Variants in KLC1 observed in about 807,000 individuals in gnomAD.
The protein encoded by KLC1 is kinesin light chain 1.
A neutral mutation model predicts 84.2 loss-of-function variants in KLC1; 30 were observed. That is an observed-to-expected ratio of 0.36 (90% confidence interval 0.27 to 0.48). KLC1 has a LOEUF of 0.48. KLC1 is among the 20% of genes least tolerant of loss of function. The pLI, the probability that KLC1 is intolerant of heterozygous loss-of-function variation, is 0.99. For missense variants in KLC1, 499 were observed against 805.4 expected (o/e 0.62, Z 4.60); for synonymous variants, 289 against 293.3 (o/e 0.99, Z 0.15).
At chr14:103,674,445 G>A (rs564553192) in intron 9 of KLC1, among the ~76,000 whole-genome samples, 2 of 148,908 alleles carry the variant, frequency 1.3e-5, no homozygotes, top group East Asian at 3.9e-4. Flanking sequence ...GTGGAATTTC[G>A]TTCTTGTTGC....
chr14:103,668,540 C>T (rs956603971), intron 5 of KLC1, among the ~76,000 whole-genome samples: 4 of 151,978 alleles, frequency 2.6e-5, no homozygotes, highest in Non-Finnish European at 4.4e-5. Context: ...TGCAGTGGCG[C>T]GATCTATGCT....
At chr14:103,686,916 T>C in intron 13 of KLC1, 165 bp from the exon 14 acceptor site, 2 of 353,756 alleles carry the variant, frequency 5.7e-6, no homozygotes, top group Middle Eastern at 7.7e-4. Flanking sequence ...CTAGTTAAAG[T>C]ATATTCACGT....
intron 1 of KLC1, among the ~76,000 whole-genome samples, chr14:103,642,200 G>T (rs1217595959): frequency 6.6e-6 from 1 of 152,140 alleles, no homozygotes; most frequent in Non-Finnish European, 1.5e-5. Context: ...AGAGTGCTGG[G>T]ATTACAGGCA....
rs1209251099 is a variant in KLC1 at position 103,633,862 on chromosome 14, TA to T, written c.-2+4369del. Among the ~76,000 whole-genome samples the T allele has an allele frequency of 8.5e-5, 13 of 152,138 alleles. No homozygotes were observed. In the East Asian group the frequency reaches 1.6e-3, roughly 18 times the overall value. ...ACTATCTTAAATGCTGTATTATTAT[TA>T]TTTTTTTTTTATTATTACTTTTTGA... On this transcript the variant is annotated intron_variant, in intron 1 of 16. Transcript: ENST00000334553.
chr14:103,638,273 ATTT>A (rs1230499855), intron 1 of KLC1, among the ~76,000 whole-genome samples: 1 of 152,038 alleles, frequency 6.6e-6, no homozygotes, highest in Non-Finnish European at 1.5e-5. Context: ...TAGGAACTTT[ATTT>A]AACACTTGAG....
chr14:103,685,238 T>G, intron 13 of KLC1: 1 of 1,406,106 alleles, frequency 7.1e-7, no homozygotes, highest in Non-Finnish European at 9.2e-7. Flanking sequence ...TAAAATGTGT[T>G]TTTAAGAGAA....
chr14:103,634,769 G>A lies in KLC1; in HGVS notation c.-2+5275G>A, dbSNP rs150160131. Among the ~76,000 whole-genome samples the A allele has an allele frequency of 9.9e-3, 1,505 of 151,996 alleles. 24 individuals carry two copies. Among genetic ancestry groups the A allele is most frequent in the Non-Finnish European group, 0.014 (918 of 67,976 alleles). On this transcript the variant is annotated intron_variant, in intron 1 of 16. Coordinates refer to ENST00000334553, the MANE Select transcript of KLC1 (RefSeq NM_001394837.1). ...TTTTAAATATAGTTTATGTAGAGACGGGGGTCTCACTGTGTTTCCCAGGCT... is the reference window on the plus strand; with the variant it reads ...TTTTAAATATAGTTTATGTAGAGACAGGGGTCTCACTGTGTTTCCCAGGCT...
chr14:103,672,838 G>A (rs2080531273), intron 7 of KLC1, among the ~76,000 whole-genome samples, 176 bp from the exon 8 acceptor site: 1 of 152,156 alleles, frequency 6.6e-6, no homozygotes, highest in Non-Finnish European at 1.5e-5. Context: ...ATAAGAATTT[G>A]AGAAATTCTG....
At chr14:103,696,087 ACTGCGCCC>A (rs1373719547) in intron 15 of KLC1, 55 of 798,900 alleles carry the variant, frequency 6.9e-5, no homozygotes, top group Non-Finnish European at 7.3e-5. Flanking sequence ...CAAAATAATC[ACTGCGCCC>A]CCGCCCCCCG....
chr14:103,642,306 C>T (rs754615318), intron 1 of KLC1, among the ~76,000 whole-genome samples: 8 of 152,092 alleles, frequency 5.3e-5, no homozygotes, highest in Non-Finnish European at 1.0e-4. Flanking sequence ...AAAGGCCCCA[C>T]CTCCTAAAAG....
chr14:103,637,241 G>T (rs1294385037), intron 1 of KLC1, among the ~76,000 whole-genome samples: 1 of 151,896 alleles, frequency 6.6e-6, no homozygotes, highest in Non-Finnish European at 1.5e-5. Flanking sequence ...TTTTATTAAA[G>T]AAATTTTCGG....
At position 103,699,682 on chromosome 14, in the gene KLC1, C is replaced by T. The variant is rs954199215; in HGVS notation, c.1849-973C>T. On this transcript the variant is annotated intron_variant, in intron 15 of 16. Transcript: ENST00000334553. Reference sequence around the variant, plus strand: ...GACCGTCTGAAAACCTTCCTACCCACCTGGGGCTCACAGTGCCCATACTCT... The same window carrying T: ...GACCGTCTGAAAACCTTCCTACCCATCTGGGGCTCACAGTGCCCATACTCT... The T allele has an allele frequency of 2.7e-6, 3 of 1,118,800 alleles. No individual in the cohort carries two copies. In the African/African-American group the frequency reaches 4.6e-5, roughly 17 times the overall value. 69.3% of individuals were successfully genotyped at this position (1,118,800 alleles called of 1,614,324 possible).
At chr14:103,699,816 G>C in intron 15 of KLC1, 7 of 563,098 alleles carry the variant, frequency 1.2e-5, no homozygotes, top group Admixed American at 2.8e-5. Flanking sequence ...CCTTCCTCTG[G>C]CCCCCCCAGG....
intron 1 of KLC1, among the ~76,000 whole-genome samples, chr14:103,647,385 A>G (rs1414225056): frequency 6.6e-6 from 1 of 151,378 alleles, no homozygotes; most frequent in Admixed American, 6.6e-5. Flanking sequence ...CACCACACCC[A>G]GCTAATTTTT....
At chr14:103,631,419 T>A (rs2151233792) in intron 1 of KLC1, among the ~76,000 whole-genome samples, 1 of 152,258 alleles carries the variant, frequency 6.6e-6, no homozygotes, top group Middle Eastern at 3.4e-3. Context: ...TTCTTAGGCA[T>A]GTTTCTCAAT....
chr14:103,670,109 A>G, intron 6 of KLC1, 73 bp from the exon 7 acceptor site: 1 of 992,058 alleles, frequency 1.0e-6, no homozygotes, highest in Non-Finnish European at 1.6e-6. Context: ...AATATAAATG[A>G]ATATGTGGTG....
intron 5 of KLC1, among the ~76,000 whole-genome samples, chr14:103,666,004 T>G (rs894307884): frequency 1.3e-5 from 2 of 152,220 alleles, no homozygotes; most frequent in African/African-American, 4.8e-5. Flanking sequence ...CATTTTTCTG[T>G]TAGGATTTTA....
rs183476729 is a variant in KLC1, at chr14:103,693,439, G to C, written c.1848+1014G>C. On this transcript the variant is annotated intron_variant, in intron 15 of 16. Coordinates refer to ENST00000334553, the MANE Select transcript of KLC1 (RefSeq NM_001394837.1). This position sits in a 1 kb window ranked among gnomAD's most constrained non-coding sequence, Gnocchi z 5.1. ...GCACATTGACCCCTGGGCCTCTCGA[G>C]TGCCAACCTAGATTTAGCTGTGCAG... is the stretch of plus-strand genomic sequence containing the variant. 3.4e-4 allele frequency: 514 copies of C among 1,496,790 alleles called. 5 individuals carry two copies. The African/African-American group carries it at 4.3e-3, about 12-fold the overall frequency. The allele number at this position is 1,496,790 out of a possible 1,614,324, so 92.7% of individuals were successfully genotyped here.
At chr14:103,638,656 A>ATTTTTT (rs57470429) in intron 1 of KLC1, among the ~76,000 whole-genome samples, 3 of 100,124 alleles carry the variant, frequency 3.0e-5, no homozygotes, top group African/African-American at 1.1e-4. Context: ...CATTTCATTA[A>ATTTTTT]TTTTTTTTTT....
Sources: allele counts gnomAD v4.1 joint callset (sites outside exome capture counted in the v4.1 genomes callset), GRCh38; gene constraint gnomAD v4.1.1; non-coding constraint Gnocchi (gnomAD v3.1); transcripts MANE v1.5; gene names NCBI Gene and HGNC (gene_info 2026-07-23, HGNC 2026-07-21).